Variants in LMNA observed in about 807,000 individuals in gnomAD.
LMNA encodes lamin.
In LMNA, 20 loss-of-function variants were observed where a neutral mutation model predicts 70.4. The ratio of observed to expected loss-of-function variants is 0.28; its 90% confidence interval spans 0.20 to 0.41. The LOEUF is 0.41. LMNA is among the 10% of genes least tolerant of loss of function. The probability of loss-of-function intolerance (pLI) is 1.00; values close to 1 mark genes in which losing one functional copy is unlikely to be tolerated. For missense variants in LMNA, 652 were observed against 917.2 expected (o/e 0.71, Z 3.73); for synonymous variants, 339 against 372.8 (o/e 0.91, Z 1.04).
chr1:156,099,453 T>G (rs984375984), intron 3 of LMNA, among the ~76,000 whole-genome samples: 38 of 152,166 alleles, frequency 2.5e-4, no homozygotes, highest in African/African-American at 9.2e-4. Flanking sequence ...CCTTTGTGCT[T>G]TGTTTTCTCA....
At chr1:156,124,298 T>TC (rs1049704247) in intron 1 of LMNA, among the ~76,000 whole-genome samples, 14 of 148,516 alleles carry the variant, frequency 9.4e-5, no homozygotes, top group Non-Finnish European at 1.0e-4. Flanking sequence ...TCTCTCTCTC[T>TC]TTTTTTTTGA....
At chr1:156,130,412 A>C (rs903152025) in intron 1 of LMNA, among the ~76,000 whole-genome samples, 1 of 151,710 alleles carries the variant, frequency 6.6e-6, no homozygotes, top group Admixed American at 6.6e-5. Context: ...GTGGAGAAGC[A>C]GGAAGGGGGT....
chr1:156,093,297 CA>C (rs1272057690), intron 3 of LMNA, among the ~76,000 whole-genome samples: 6 of 136,568 alleles, frequency 4.4e-5, no homozygotes, highest in South Asian at 2.4e-4. Context: ...ATTTATATGT[CA>C]ATTTTTTTTT....
Position 156,138,781 on chromosome 1 carries a change from C to T in LMNA, c.1968+24C>T. 1 of 1,613,152 alleles carries T rather than the reference C, an allele frequency of 6.2e-7. No individual in the cohort carries two copies. The highest frequency in any genetic ancestry group is 8.5e-7 in the Non-Finnish European group (1 of 1,179,962). On this transcript the variant is annotated intron_variant, in intron 11 of 11. Transcript: ENST00000368300. The surrounding 1 kb of genome is among the most constrained non-coding windows in gnomAD (Gnocchi z 5.5). ...AGGTGAGTTGTCTCTGCTTTGTCTCCAAATCCTGCAGGCGGGTCCCTGGTC... is the reference window on the plus strand; with the variant it reads ...AGGTGAGTTGTCTCTGCTTTGTCTCTAAATCCTGCAGGCGGGTCCCTGGTC...
intron 2 of LMNA, among the ~76,000 whole-genome samples, chr1:156,133,835 C>G (rs1651289235): frequency 6.6e-6 from 1 of 152,158 alleles, no homozygotes; most frequent in Admixed American, 6.5e-5. Flanking sequence ...GACAGTAGCT[C>G]TCTGTAGGCC....
At chr1:156,125,578 A>G (rs1650499296) in intron 1 of LMNA, among the ~76,000 whole-genome samples, 1 of 151,748 alleles carries the variant, frequency 6.6e-6, no homozygotes, top group African/African-American at 2.4e-5. Context: ...AATCCCAGCT[A>G]CTCTGGAGGC....
intron 2 of LMNA, among the ~76,000 whole-genome samples, chr1:156,086,458 C>A (rs1446600498): frequency 6.6e-6 from 1 of 151,102 alleles, no homozygotes; most frequent in Admixed American, 6.6e-5. Flanking sequence ...GGCTTCTGGC[C>A]TCATGCCTGG....
Position 156,138,997 on chromosome 1 carries a change from A to G in LMNA, c.1969-83A>G, listed in dbSNP as rs1572370294. On this transcript the variant is annotated intron_variant, in intron 11 of 11. Transcript: ENST00000368300. The surrounding 1 kb of genome is among the most constrained non-coding windows in gnomAD (Gnocchi z 5.5). ...GAGTGTGAGGGATGGGGGAGATGCT[A>G]CCTCCCTTCTAGGGGCCAGGGGAGG... 4 of 1,468,796 alleles carry G rather than the reference A, an allele frequency of 2.7e-6. No homozygotes were observed. In the East Asian group the frequency reaches 6.8e-5, roughly 25 times the overall value. 91.0% of individuals were successfully genotyped at this position (1,468,796 alleles called of 1,614,324 possible).
In LMNA at chr1:156,126,783, C is replaced by A. The variant is rs538673864; in HGVS notation, c.357-3834C>A. On this transcript the variant is annotated intron_variant, in intron 1 of 11. Transcript: ENST00000368300. Reference sequence around the variant, plus strand: ...TAGAAACAGGATGCCCAGCCCTTCTCGCCTCAAGAGGCCACTGGGATGCAG... The same window carrying A: ...TAGAAACAGGATGCCCAGCCCTTCTAGCCTCAAGAGGCCACTGGGATGCAG... 6.2e-6 allele frequency: 10 copies of A among 1,600,510 alleles called. 1 individual carries two copies. In the South Asian group the frequency reaches 7.9e-5, roughly 13 times the overall value.
chr1:156,089,569 G>C (rs1156700026), intron 2 of LMNA, among the ~76,000 whole-genome samples: 2 of 149,908 alleles, frequency 1.3e-5, no homozygotes, highest in African/African-American at 2.5e-5. Context: ...CTCCAGCCTG[G>C]GCAGCAAGAG....
intron 1 of LMNA, chr1:156,126,870 A>C: frequency 6.2e-7 from 1 of 1,611,804 alleles, no homozygotes; most frequent in Non-Finnish European, 8.5e-7. Flanking sequence ...CTGCTGGCAC[A>C]GCACCCGGCC....
intron 3 of LMNA, among the ~76,000 whole-genome samples, chr1:156,101,989 C>T (rs1004823931): frequency 1.3e-5 from 2 of 152,204 alleles, no homozygotes; most frequent in African/African-American, 4.8e-5. Context: ...TTAGGAATCA[C>T]TCCTGGTCTG....
rs898277869 is a variant in LMNA at position 156,136,569 on chromosome 1, C to G, written c.1380+133C>G. ...ACCAGGGTGAGCCTGTATATCTCCT[C>G]CACACTCTGGTTCCAGGCCTGGCTC... On this transcript the variant is annotated intron_variant, in intron 7 of 11. Coordinates refer to ENST00000368300, the MANE Select transcript of LMNA (RefSeq NM_170707.4). The surrounding 1 kb of genome is among the most constrained non-coding windows in gnomAD (Gnocchi z 6.1). 1.0e-6 allele frequency: 1 copy of G among 952,968 alleles called. No individual in the cohort carries two copies. The highest frequency in any genetic ancestry group is 1.6e-5 in the African/African-American group (1 of 61,370). 59.0% of individuals were successfully genotyped at this position (952,968 alleles called of 1,614,324 possible).
upstream of LMNA, among the ~76,000 whole-genome samples, chr1:156,113,281 G>A (rs1649607691): frequency 6.6e-6 from 1 of 152,084 alleles, no homozygotes; most frequent in Admixed American, 6.6e-5. Context: ...TCCAGCCTGG[G>A]TGAGAGAGCA....
chr1:156,129,678 T>A, intron 1 of LMNA: 1 of 601,568 alleles, frequency 1.7e-6, no homozygotes, highest in South Asian at 2.0e-5. Context: ...AGTTCTTGGG[T>A]TCTCTGGAGG....
At chr1:156,095,118 G>A (rs145689543) in intron 3 of LMNA, among the ~76,000 whole-genome samples, 3,204 of 152,134 alleles carry the variant, frequency 0.021, 115 homozygotes, top group African/African-American at 0.074. Flanking sequence ...TATTAGAGAT[G>A]TGGTTGCACC....
At position 156,115,342 on chromosome 1, in the gene LMNA, C is replaced by G; in HGVS notation, c.356+68C>G. 1 of 1,426,210 alleles carries G rather than the reference C, an allele frequency of 7.0e-7. No homozygotes were observed. The highest frequency in any genetic ancestry group is 9.6e-7 in the Non-Finnish European group (1 of 1,043,060). The allele number at this position is 1,426,210 out of a possible 1,614,324, so 88.3% of individuals were successfully genotyped here. ...AGGGCGGCGGGCCGGCGCCCCTGGC[C>G]GGCCGCAGGAAGGGAGTGAGAGGGC... On this transcript the variant is annotated intron_variant, in intron 1 of 11. Coordinates refer to ENST00000368300, the MANE Select transcript of LMNA (RefSeq NM_170707.4). This position sits in a 1 kb window ranked among gnomAD's most constrained non-coding sequence, Gnocchi z 5.8.
chr1:156,115,442 GGGA>G lies in LMNA; in HGVS notation c.356+169_356+171del, dbSNP rs1217019294. Among the ~76,000 whole-genome samples, 1 of 152,218 alleles carries G rather than the reference GGGA, an allele frequency of 6.6e-6. No homozygotes were observed. Among genetic ancestry groups the G allele is most frequent in the Non-Finnish European group, 1.5e-5 (1 of 68,026 alleles). On this transcript the variant is annotated intron_variant, in intron 1 of 11. Transcript: ENST00000368300. This position sits in a 1 kb window ranked among gnomAD's most constrained non-coding sequence, Gnocchi z 5.8. ...CCAGCGGGTGACTGGCAGTGTCAAG[GGGA>G]ATTGTCAAGACAGGACAGAGAGGGA...
rs535984470 is a variant in LMNA at position 156,134,142 on chromosome 1, G to T, written c.514-261G>T. Among the ~76,000 whole-genome samples the T allele has an allele frequency of 7.9e-5, 12 of 152,250 alleles. No homozygotes were observed. In the East Asian group the frequency reaches 2.3e-3, roughly 29 times the overall value. On this transcript the variant is annotated intron_variant, in intron 2 of 11. Coordinates refer to ENST00000368300, the MANE Select transcript of LMNA (RefSeq NM_170707.4). The surrounding 1 kb of genome is among the most constrained non-coding windows in gnomAD (Gnocchi z 5.3). ...AGCGATTCTTGTGCCTCAGCCTCCT[G>T]AGTAGCTGGGACTACAGGCGTGTGC...
Sources: allele counts gnomAD v4.1 joint callset (sites outside exome capture counted in the v4.1 genomes callset), GRCh38; gene constraint gnomAD v4.1.1; non-coding constraint Gnocchi (gnomAD v3.1); transcripts MANE v1.5; gene names NCBI Gene and HGNC (gene_info 2026-07-23, HGNC 2026-07-21).